Variants in JMJD1C observed in about 807,000 individuals in gnomAD.
JMJD1C encodes the protein jumonji domain-containing protein 1C.
In JMJD1C, 31 loss-of-function variants were observed where a neutral mutation model predicts 245.3. The ratio of observed to expected loss-of-function variants is 0.13; its 90% confidence interval spans 0.09 to 0.17. The LOEUF is 0.17. Ranked by LOEUF, JMJD1C falls within the 10% of genes least tolerant of loss-of-function variation. JMJD1C has a pLI of 1.00. For missense variants in JMJD1C, 2,691 were observed against 3,000.2 expected (o/e 0.90, Z 2.41); for synonymous variants, 1,057 against 1,017.4 (o/e 1.04, Z -0.74).
At chr10:63,314,317 T>C (rs907062347) in intron 2 of JMJD1C, among the ~76,000 whole-genome samples, 1 of 152,252 alleles carries the variant, frequency 6.6e-6, no homozygotes, top group African/African-American at 2.4e-5. Context: ...CCCAGCACTT[T>C]GGGAGGCCAA....
intron 1 of JMJD1C, among the ~76,000 whole-genome samples, chr10:63,455,946 A>G (rs995070565): frequency 1.9e-4 from 29 of 152,140 alleles, no homozygotes; most frequent in Non-Finnish European, 2.6e-4. Context: ...ATTTAATGCA[A>G]TATTATATTA....
chr10:63,450,906 T>C (rs1314101244), intron 1 of JMJD1C, among the ~76,000 whole-genome samples: 2 of 128,122 alleles, frequency 1.6e-5, no homozygotes, highest in Non-Finnish European at 3.4e-5. Flanking sequence ...ACCCTAACAA[T>C]TTCACACACA....
At chr10:63,442,730 A>G (rs1417805959) in intron 1 of JMJD1C, among the ~76,000 whole-genome samples, 1 of 152,210 alleles carries the variant, frequency 6.6e-6, no homozygotes, top group East Asian at 1.9e-4. Context: ...TATATAATCC[A>G]GCTTCTCCAT....
chr10:63,415,887 T>C (rs189746320), intron 1 of JMJD1C, among the ~76,000 whole-genome samples: 5 of 152,338 alleles, frequency 3.3e-5, no homozygotes, highest in Admixed American at 1.3e-4. Flanking sequence ...CCCCTTCCTG[T>C]ACGCTCAATC....
chr10:63,174,246 G>A (rs1021772861), intron 24 of JMJD1C, among the ~76,000 whole-genome samples: 1 of 152,124 alleles, frequency 6.6e-6, no homozygotes, highest in African/African-American at 2.4e-5. Flanking sequence ...GAATGTTTAT[G>A]ATAGCTTTAT....
chr10:63,270,622 A>G lies in JMJD1C; in HGVS notation c.334-5858T>C, dbSNP rs2133827363. Among the ~76,000 whole-genome samples the G allele has an allele frequency of 2.6e-5, 4 of 152,104 alleles. 1 individual carries two copies. In the South Asian group the frequency reaches 8.3e-4, roughly 32 times the overall value. ...GAAGGGACTACAGGTGGGCATCACC[A>G]TGCCTAGCTAACTCTTTGTATTTTT... On this transcript the variant is annotated intron_variant, in intron 2 of 25. Transcript: ENST00000399262.
chr10:63,201,367 G>A (rs978104263), intron 10 of JMJD1C, among the ~76,000 whole-genome samples: 4 of 151,886 alleles, frequency 2.6e-5, no homozygotes, highest in African/African-American at 9.7e-5. Flanking sequence ...AAATTAACTT[G>A]GCTATCTTTA....
Position 63,447,939 on chromosome 10 carries a change from CAAAAAT to C in JMJD1C, c.168+17550_168+17555del, listed in dbSNP as rs567877915. Among the ~76,000 whole-genome samples the C allele has an allele frequency of 2.2e-3, 327 of 149,682 alleles. 1 individual carries two copies. Among genetic ancestry groups the C allele is most frequent in the African/African-American group, 7.6e-3 (310 of 40,586 alleles). ...GGGTGATGGAGCAAGACTCTGTCTC[CAAAAAT>C]AAAAATAAAAAGAGAGAGAGAAAGA... On this transcript the variant is annotated intron_variant, in intron 1 of 25. Coordinates refer to ENST00000399262, the MANE Select transcript of JMJD1C (RefSeq NM_032776.3).
At chr10:63,504,419 C>T (rs892365369) in intron 1 of JMJD1C, among the ~76,000 whole-genome samples, 6 of 152,064 alleles carry the variant, frequency 3.9e-5, no homozygotes, top group African/African-American at 1.4e-4. Context: ...ATCTGAATAG[C>T]ATTAAGAAGC....
intron 2 of JMJD1C, among the ~76,000 whole-genome samples, chr10:63,361,719 T>TAAAAAAAAAAAAAAAAAAAAA (rs55879769): frequency 1.0e-5 from 1 of 95,604 alleles, no homozygotes; most frequent in Admixed American, 1.3e-4. Context: ...CTGTCTCAAC[T>TAAAAAAAAAAAAAAAAAAAAA]AAAAAAAAAA....
chr10:63,372,162 A>T (rs1396501780), intron 2 of JMJD1C, among the ~76,000 whole-genome samples: 2 of 152,196 alleles, frequency 1.3e-5, no homozygotes, highest in Non-Finnish European at 2.9e-5. Context: ...AAAGCACTCT[A>T]AGAGAATATT....
intron 2 of JMJD1C, among the ~76,000 whole-genome samples, chr10:63,327,314 C>CAAT (rs1368446252): frequency 2.6e-5 from 4 of 152,254 alleles, no homozygotes; most frequent in Admixed American, 6.5e-5. Flanking sequence ...ACCTTCATTC[C>CAAT]AATACTTTGC....
intron 2 of JMJD1C, among the ~76,000 whole-genome samples, chr10:63,317,498 T>C (rs906108588): frequency 6.6e-6 from 1 of 152,114 alleles, no homozygotes; most frequent in African/African-American, 2.4e-5. Flanking sequence ...TGTATGTCTC[T>C]ACTGATTAAT....
At chr10:63,201,555 GAGAGTAAGAAGA>G (rs1282761212) in intron 10 of JMJD1C, among the ~76,000 whole-genome samples, 2 of 152,162 alleles carry the variant, frequency 1.3e-5, no homozygotes, top group African/African-American at 4.8e-5. Flanking sequence ...CCGTCATCTA[GAGAGTAAGAAGA>G]ATTTCTGGAC....
intron 2 of JMJD1C, among the ~76,000 whole-genome samples, chr10:63,357,829 AC>A (rs1944985606): frequency 5.9e-5 from 1 of 16,922 alleles, no homozygotes; most frequent in Non-Finnish European, 2.7e-4. Context: ...ACAGACAGAC[AC>A]ACACACACAC....
chr10:63,216,747 G>A (rs907361071), intron 5 of JMJD1C, among the ~76,000 whole-genome samples: 1 of 151,988 alleles, frequency 6.6e-6, no homozygotes, highest in Non-Finnish European at 1.5e-5. Flanking sequence ...AAACTCCATA[G>A]GAAACTTGTA....
chr10:63,290,707 A>G (rs1858564161), intron 2 of JMJD1C, among the ~76,000 whole-genome samples: 1 of 152,198 alleles, frequency 6.6e-6, no homozygotes, highest in Admixed American at 6.5e-5. Flanking sequence ...TTATTTATGG[A>G]AAGAGATTAA....
Position 63,337,603 on chromosome 10 carries a change from GAAAAGAAAAGAAAAGAAAAGA to G in JMJD1C, c.333+42694_333+42714del, listed in dbSNP as rs1274929813. On this transcript the variant is annotated intron_variant, in intron 2 of 25. Transcript: ENST00000399262. The stretch of plus-strand genomic sequence containing the variant: ...GAAAAGAAAAGAAAAGAAAAGAAAA[GAAAAGAAAAGAAAAGAAAAGA>G]AAAAGAAAAGAAAAAAAATCCGCTA... Among the ~76,000 whole-genome samples, 940 of 101,164 alleles carry G rather than the reference GAAAAGAAAAGAAAAGAAAAGA, an allele frequency of 9.3e-3. 37 individuals are homozygous for G. The highest frequency in any genetic ancestry group is 0.016 in the Middle Eastern group (3 of 188). 66.4% of individuals were successfully genotyped at this position (101,164 alleles called of 152,430 possible).
chr10:63,457,253 G>T (rs1476292514), intron 1 of JMJD1C, among the ~76,000 whole-genome samples: 1 of 152,152 alleles, frequency 6.6e-6, no homozygotes, highest in Non-Finnish European at 1.5e-5. Flanking sequence ...TAATGCCAAC[G>T]TTCAAGGTGG....
Sources: allele counts gnomAD v4.1 joint callset (sites outside exome capture counted in the v4.1 genomes callset), GRCh38; gene constraint gnomAD v4.1.1; transcripts MANE v1.5; gene names NCBI Gene and HGNC (gene_info 2026-07-23, HGNC 2026-07-21).